Variants in SNX13 observed in about 807,000 individuals in gnomAD.
SNX13 encodes sorting nexin-13.
Under a neutral mutation model 133.6 loss-of-function variants are expected in SNX13, and 45 were observed. That is an observed-to-expected ratio of 0.34 (90% CI 0.27 to 0.43). SNX13 has a LOEUF of 0.43. Ranked by LOEUF, SNX13 falls within the 20% of genes least tolerant of loss-of-function variation. The pLI, the probability that SNX13 is intolerant of heterozygous loss-of-function variation, is 1.00. For synonymous variants in SNX13, 414 were observed against 373.9 expected (o/e 1.11, Z -1.24); for missense variants, 1,032 against 1,145.1 (o/e 0.90, Z 1.43).
chr7:17,907,753 G>C (rs1412470840), intron 1 of SNX13, among the ~76,000 whole-genome samples: 1 of 152,076 alleles, frequency 6.6e-6, no homozygotes, highest in Non-Finnish European at 1.5e-5. Flanking sequence ...AGTTGGGAAA[G>C]CATACAGGAA....
chr7:17,863,418 C>T (rs1457609532), intron 9 of SNX13, among the ~76,000 whole-genome samples: 1 of 152,140 alleles, frequency 6.6e-6, no homozygotes, highest in East Asian at 1.9e-4. Context: ...AAGACTCCTT[C>T]CACTCAGAGG....
At chr7:17,802,280 A>T (rs2128287233) in intron 21 of SNX13, among the ~76,000 whole-genome samples, 1 of 152,082 alleles carries the variant, frequency 6.6e-6, no homozygotes, top group East Asian at 1.9e-4. Context: ...CTCAGAACAT[A>T]TCCCTGTTGT....
intron 1 of SNX13, chr7:17,898,098 A>G (rs950904562): frequency 2.6e-5 from 4 of 152,166 alleles, no homozygotes; most frequent in Admixed American, 2.6e-4. Context: ...CCTATTTCAT[A>G]CAGAATTATA....
chr7:17,880,987 T>A (rs1249174146), intron 5 of SNX13: 1 of 152,020 alleles, frequency 6.6e-6, no homozygotes, highest in Non-Finnish European at 1.5e-5. Flanking sequence ...GAGAGGGTGA[T>A]CGCTTGGCAG....
At chr7:17,804,286 C>A (rs1784946152) in intron 20 of SNX13, among the ~76,000 whole-genome samples, 1 of 151,946 alleles carries the variant, frequency 6.6e-6, no homozygotes, top group Non-Finnish European at 1.5e-5. Flanking sequence ...CAGTTCAAGG[C>A]AACAGTTAGG....
At chr7:17,805,250 T>TGTGCGCGCACGCGCGC in intron 20 of SNX13, among the ~76,000 whole-genome samples, 1 of 95,560 alleles carries the variant, frequency 1.0e-5, no homozygotes. Context: ...TGTGTGTGTG[T>TGTGCGCGCACGCGCGC]GCGTGCGCGC....
intron 12 of SNX13, among the ~76,000 whole-genome samples, chr7:17,843,467 A>AGTGCCACAATAATAGTTGGAGATTTCG (rs1790139547): frequency 6.6e-6 from 1 of 152,086 alleles, no homozygotes; most frequent in Admixed American, 6.6e-5. Flanking sequence ...AAAAAGAGAC[A>AGTGCCACAATAATAGTTGGAGATTTCG]GTGCCACAAT....
chr7:17,803,401 C>T lies in SNX13; in HGVS notation c.2226+18G>A, dbSNP rs774616452. On this transcript the variant is annotated intron_variant, in intron 21 of 25. Transcript: ENST00000428135. ...TAAAAATAGTTTGCTTTAGACATTA[C>T]TGAAAATGTCTTCTTACCTTAAAAA... is the stretch of plus-strand genomic sequence containing the variant. 5.0e-6 allele frequency: 8 copies of T among 1,590,058 alleles called. No homozygotes were observed. Among genetic ancestry groups the T allele is most frequent in the Non-Finnish European group, 6.9e-6 (8 of 1,167,526 alleles).
chr7:17,875,353 T>C, intron 7 of SNX13, 127 bp downstream of exon 7: 1 of 642,676 alleles, frequency 1.6e-6, no homozygotes, highest in Non-Finnish European at 2.6e-6. Flanking sequence ...TAAAATAAAA[T>C]GAATAGCATC....
intron 15 of SNX13, chr7:17,830,888 AC>A: frequency 8.1e-6 from 8 of 984,436 alleles, no homozygotes; most frequent in Non-Finnish European, 9.6e-6. Context: ...AAGCAACACT[AC>A]TATTCCTACA....
Position 17,839,902 on chromosome 7 carries a change from T to C in SNX13, c.1264A>G (p.Ser422Gly), listed in dbSNP as rs1420703219. Residue 422 changes from serine to glycine, a missense_variant, in exon 13 of 26, where the codon AGT (serine) becomes GGT (glycine). Ser to Gly is a moderately conservative substitution (Grantham distance 56). Coordinates refer to ENST00000428135, the MANE Select transcript of SNX13 (RefSeq NM_015132.5). The stretch of plus-strand genomic sequence containing the variant: ...TGATGTTTTCCATCTCTCTGACGAC[T>C]TAATAAAACTTCTAGCTGCTGTTGG... ...TAQQQLEVLL[S>G]RQRDGKHQTN... 2 of 1,612,124 alleles carry C rather than the reference T, an allele frequency of 1.2e-6. No individual in the cohort carries two copies. The highest frequency in any genetic ancestry group is 1.7e-6 in the Non-Finnish European group (2 of 1,178,730).
In SNX13 at chr7:17,805,257, GCGCGCGCGCA is replaced by G. The variant is rs1385000352; in HGVS notation, c.2065-1687_2065-1678del. Among the ~76,000 whole-genome samples the G allele has an allele frequency of 6.3e-3, 920 of 146,808 alleles. 3 individuals carry two copies. The highest frequency in any genetic ancestry group is 7.7e-3 in the African/African-American group (302 of 39,102). ...TGTGTGTGTGTGTGTGTGTGCGTGCGCGCGCGCGCATGCATGCACATGTGTAATTCTAATT... is the reference window on the plus strand; with the variant it reads ...TGTGTGTGTGTGTGTGTGTGCGTGCGTGCATGCACATGTGTAATTCTAATT... On this transcript the variant is annotated intron_variant, in intron 20 of 25. Transcript: ENST00000428135.
At chr7:17,834,973 A>G in intron 13 of SNX13, 108 bp from the exon 14 acceptor site, 1 of 660,404 alleles carries the variant, frequency 1.5e-6, no homozygotes, top group East Asian at 3.0e-5. Flanking sequence ...CTGGCAGGTA[A>G]GAATCATTGG....
At chr7:17,929,917 G>A (rs1346583825) in intron 1 of SNX13, among the ~76,000 whole-genome samples, 1 of 152,154 alleles carries the variant, frequency 6.6e-6, no homozygotes, top group Non-Finnish European at 1.5e-5. Flanking sequence ...GAGATAGCAA[G>A]TAAGGAAAGA....
intron 1 of SNX13, chr7:17,897,721 A>T (rs1343107236): frequency 9.6e-6 from 2 of 207,900 alleles, no homozygotes; most frequent in Non-Finnish European, 1.9e-5. Flanking sequence ...AGAAATAGTT[A>T]TACAAACTGT....
intron 5 of SNX13, chr7:17,881,262 A>G (rs1308800317): frequency 4.0e-5 from 6 of 151,540 alleles, no homozygotes; most frequent in Admixed American, 2.6e-4. Flanking sequence ...ACACACACAC[A>G]GAGGTCCATA....
Position 17,835,224 on chromosome 7 carries a change from A to G in SNX13, c.1360-359T>C, listed in dbSNP as rs140721795. On this transcript the variant is annotated intron_variant, in intron 13 of 25. Coordinates refer to ENST00000428135, the MANE Select transcript of SNX13 (RefSeq NM_015132.5). Reference sequence around the variant, plus strand: ...AAGATCTATATAAGATATATACCATAGTGTCTGGCACATAGGAAACACTGT... The same window carrying G: ...AAGATCTATATAAGATATATACCATGGTGTCTGGCACATAGGAAACACTGT... 8.6e-5 allele frequency among the ~76,000 whole-genome samples: 13 copies of G among 152,026 alleles called. No individual in the cohort carries two copies. In the East Asian group the frequency reaches 2.5e-3, roughly 29 times the overall value.
intron 13 of SNX13, among the ~76,000 whole-genome samples, chr7:17,835,771 T>C (rs1443302614): frequency 6.6e-6 from 1 of 151,888 alleles, no homozygotes; most frequent in Non-Finnish European, 1.5e-5. Flanking sequence ...AGGATATAAA[T>C]ATGTAGGAAA....
At chr7:17,924,757 G>C (rs1441453233) in intron 1 of SNX13, among the ~76,000 whole-genome samples, 1 of 152,096 alleles carries the variant, frequency 6.6e-6, no homozygotes, top group East Asian at 1.9e-4. Context: ...GCAAAATGTA[G>C]TATATCCATA....
Sources: allele counts gnomAD v4.1 joint callset (sites outside exome capture counted in the v4.1 genomes callset), GRCh38; gene constraint gnomAD v4.1.1; transcripts MANE v1.5; gene names NCBI Gene and HGNC (gene_info 2026-07-23, HGNC 2026-07-21).